Variants in ZNF521 observed in about 807,000 individuals in gnomAD.
The protein encoded by ZNF521 is LYST-interacting protein 3.
A neutral mutation model predicts 105.5 loss-of-function variants in ZNF521; 14 were observed. That is an observed-to-expected ratio of 0.13 (90% confidence interval 0.09 to 0.21). The LOEUF (loss-of-function observed/expected upper bound fraction) is 0.21. Ranked by LOEUF, ZNF521 falls within the 10% of genes least tolerant of loss-of-function variation. ZNF521 has a pLI of 1.00. For missense variants in ZNF521, 1,233 were observed against 1,629.7 expected, an observed-to-expected ratio of 0.76 and a Z score of 4.19; for synonymous variants, 635 against 606.0, an observed-to-expected ratio of 1.05 and a Z score of -0.70.
intron 5 of ZNF521, among the ~76,000 whole-genome samples, chr18:25,107,486 T>A (rs1245626835): frequency 1.3e-5 from 2 of 152,262 alleles, no homozygotes; most frequent in Non-Finnish European, 2.9e-5. Flanking sequence ...TCTAGTCATT[T>A]ATATAATCAG....
chr18:25,086,658 T>C (rs1356000954), intron 7 of ZNF521, among the ~76,000 whole-genome samples: 1 of 152,194 alleles, frequency 6.6e-6, no homozygotes, highest in East Asian at 1.9e-4. Context: ...ATCTAAGGAA[T>C]GATTCACATA....
At chr18:25,311,977 T>G (rs1912334805) in intron 3 of ZNF521, among the ~76,000 whole-genome samples, 1 of 152,202 alleles carries the variant, frequency 6.6e-6, no homozygotes, top group African/African-American at 2.4e-5. Context: ...GTTTTACTTG[T>G]AAAAATTAAA....
chr18:25,064,213 T>C (rs1251306807), intron 7 of ZNF521, among the ~76,000 whole-genome samples: 1 of 152,202 alleles, frequency 6.6e-6, no homozygotes, highest in Non-Finnish European at 1.5e-5. Context: ...CTAAAGAAGG[T>C]CATGTGGGTA....
At chr18:25,142,830 T>G (rs1345369330) in intron 5 of ZNF521, among the ~76,000 whole-genome samples, 1 of 152,210 alleles carries the variant, frequency 6.6e-6, no homozygotes, top group East Asian at 1.9e-4. Context: ...TCTATTAGTT[T>G]TAGAAATAAA....
intron 3 of ZNF521, among the ~76,000 whole-genome samples, chr18:25,271,991 A>G (rs2144945049): frequency 6.6e-6 from 1 of 152,332 alleles, no homozygotes; most frequent in East Asian, 1.9e-4. Context: ...ACAGAATGGG[A>G]GAAAATATTT....
At chr18:25,139,041 T>C (rs1276347623) in intron 5 of ZNF521, among the ~76,000 whole-genome samples, 2 of 152,122 alleles carry the variant, frequency 1.3e-5, no homozygotes, top group African/African-American at 2.4e-5. Flanking sequence ...TGTTGGGTTG[T>C]TGAGTAAGCG....
intron 2 of ZNF521, among the ~76,000 whole-genome samples, chr18:25,326,009 T>G (rs1378442511): frequency 6.6e-6 from 1 of 152,204 alleles, no homozygotes; most frequent in Non-Finnish European, 1.5e-5. Context: ...TTAAAAGTGT[T>G]GGAGGCAATA....
chr18:25,156,245 A>C (rs2035141799), intron 5 of ZNF521, among the ~76,000 whole-genome samples: 1 of 152,218 alleles, frequency 6.6e-6, no homozygotes, highest in Non-Finnish European at 1.5e-5. Context: ...TTTAAAAAAT[A>C]AGGGGAAATG....
chr18:25,139,372 CAAAAAAAAAAAAAAA>C (rs36175281), intron 5 of ZNF521, among the ~76,000 whole-genome samples: 19 of 51,372 alleles, frequency 3.7e-4, no homozygotes, highest in Non-Finnish European at 5.1e-4. Flanking sequence ...GACTCTGTCT[CAAAAAAAAAAAAAAA>C]AAAAAAAAAA....
chr18:25,159,099 G>C (rs1480921865), intron 5 of ZNF521, among the ~76,000 whole-genome samples: 1 of 152,140 alleles, frequency 6.6e-6, no homozygotes, highest in African/African-American at 2.4e-5. Context: ...AGAGTGATTT[G>C]CCCGGTTGCC....
chr18:25,286,578 A>AG (rs1910717069), intron 3 of ZNF521, among the ~76,000 whole-genome samples: 1 of 152,234 alleles, frequency 6.6e-6, no homozygotes, highest in South Asian at 2.1e-4. Context: ...ACAAATGTTG[A>AG]GAAAAAACAA....
chr18:25,260,737 G>A (rs1009081710), intron 3 of ZNF521, among the ~76,000 whole-genome samples: 7 of 151,900 alleles, frequency 4.6e-5, no homozygotes, highest in Non-Finnish European at 5.9e-5. Context: ...TGAACTCTGT[G>A]GTGCTCAGAA....
chr18:25,270,999 T>C (rs1025908746), intron 3 of ZNF521, among the ~76,000 whole-genome samples: 1 of 152,192 alleles, frequency 6.6e-6, no homozygotes, highest in African/African-American at 2.4e-5. Context: ...CTGTTTGCTA[T>C]TACATGAATG....
intron 5 of ZNF521, among the ~76,000 whole-genome samples, chr18:25,122,832 T>C (rs1411826455): frequency 6.6e-6 from 1 of 151,870 alleles, no homozygotes; most frequent in African/African-American, 2.4e-5. Context: ...TTTTAGATCA[T>C]GATGAAAAAA....
chr18:25,104,698 T>C (rs187777044), intron 5 of ZNF521, among the ~76,000 whole-genome samples: 13 of 152,286 alleles, frequency 8.5e-5, no homozygotes, highest in African/African-American at 3.1e-4. Flanking sequence ...GGAACTGTAA[T>C]TGTTGCGTAA....
intron 3 of ZNF521, among the ~76,000 whole-genome samples, chr18:25,285,339 C>CG (rs1401082552): frequency 6.6e-6 from 1 of 152,184 alleles, no homozygotes; most frequent in African/African-American, 2.4e-5. Flanking sequence ...AAAGGAACCT[C>CG]GGGGGACTCC....
At chr18:25,202,629 T>C (rs934618052) in intron 4 of ZNF521, 2 of 152,126 alleles carry the variant, frequency 1.3e-5, no homozygotes, top group Non-Finnish European at 2.9e-5. Flanking sequence ...TACATTACCA[T>C]CCCAAGAATG....
Position 25,214,393 on chromosome 18 carries a change from T to C in ZNF521, c.3573+9952A>G, listed in dbSNP as rs551884723. Among the ~76,000 whole-genome samples the C allele has an allele frequency of 1.6e-3, 239 of 152,236 alleles. 1 individual carries two copies. The highest frequency in any genetic ancestry group is 0.015 in the South Asian group (72 of 4,826). On this transcript the variant is annotated intron_variant, in intron 4 of 7. Coordinates refer to ENST00000361524, the MANE Select transcript of ZNF521 (RefSeq NM_015461.3). ...ATTCATCTCACCAGAAGTCTGTAAA[T>C]TCTGTCAGTCTTTTCAGAAAACTAA...
intron 3 of ZNF521, among the ~76,000 whole-genome samples, chr18:25,321,157 C>A (rs1912917833): frequency 6.6e-6 from 1 of 152,166 alleles, no homozygotes; most frequent in Admixed American, 6.5e-5. Flanking sequence ...GAGAGACACA[C>A]ACATACACAC....
Sources: gnomAD v4.1 joint callset for allele counts (sites outside exome capture counted in the v4.1 genomes callset) on GRCh38, gnomAD v4.1.1 for gene constraint, MANE v1.5 for transcripts, NCBI Gene and HGNC (gene_info 2026-07-23, HGNC 2026-07-21) for gene names.